TRAP1: variants seen among roughly 807,000 people sequenced by gnomAD.
TRAP1 encodes the protein heat shock protein 75 kDa, mitochondrial.
TRAP1 carries 102 observed loss-of-function variants against 89.1 expected under a neutral mutation model. The ratio of observed to expected loss-of-function variants is 1.15; its 90% CI spans 0.98 to 1.35. The LOEUF (loss-of-function observed/expected upper bound fraction) is 1.35, where lower values mean the gene tolerates loss of function less well. TRAP1 is among the 40% of genes most tolerant of loss of function. TRAP1 has a pLI of 0.00. For synonymous variants in TRAP1, 508 were observed against 388.0 expected (o/e 1.31, Z -3.64); for missense variants, 1,256 against 945.3 (o/e 1.33, Z -4.31).
In TRAP1 at chr16:3,663,542, C is replaced by G. The variant is rs780175390; in HGVS notation, c.1590G>C (p.Gln530His). The change falls in exon 14 of 18, where the codon CAG (glutamine) becomes CAC (histidine). Residue 530 changes from glutamine (Q) to histidine (H), a missense_variant. Gln to His is a conservative substitution (Grantham distance 24). Coordinates refer to ENST00000246957, the MANE Select transcript of TRAP1 (RefSeq NM_016292.3). ...GGTGCAGCAGGGTGAGCTCATCAAA[C>G]TGCTCAAAGCAGAAGAGAACCTGCA... is the stretch of plus-strand genomic sequence containing the variant. ...KDTEVLFCFE[Q>H]FDELTLLHLR... The G allele has an allele frequency of 6.8e-6, 11 of 1,613,972 alleles. No homozygotes were observed. Among genetic ancestry groups the G allele is most frequent in the African/African-American group, 2.7e-5 (2 of 74,944 alleles).
rs749439516 is a variant in TRAP1, at chr16:3,671,795, G to A, written c.1166-4C>T. The A allele has an allele frequency of 8.7e-6, 14 of 1,611,540 alleles. No individual in the cohort carries two copies. The highest frequency in any genetic ancestry group is 6.7e-5 in the Admixed American group (4 of 59,994). Reference sequence around the variant, plus strand: ...ATGTCCTCACTGTCCACCACACCTGGGAGACACGGCAGTCAGCTTCTCCCG... The same window carrying A: ...ATGTCCTCACTGTCCACCACACCTGAGAGACACGGCAGTCAGCTTCTCCCG... On this transcript the variant is annotated splice_region_variant and splice_polypyrimidine_tract_variant and intron_variant, in intron 10 of 17. Transcript: ENST00000246957.
intron 1 of TRAP1, among the ~76,000 whole-genome samples, chr16:3,698,620 C>A (rs2051323124): frequency 6.6e-6 from 1 of 151,024 alleles, no homozygotes; most frequent in Admixed American, 6.6e-5. Flanking sequence ...AACTTTTAAT[C>A]ACTAACTCAG....
chr16:3,686,477 G>C (rs960878903), intron 3 of TRAP1, among the ~76,000 whole-genome samples: 2 of 152,096 alleles, frequency 1.3e-5, no homozygotes, highest in Admixed American at 6.6e-5. Context: ...ACCACACCCA[G>C]CTAATTGTTT....
chr16:3,684,605 C>G (rs1258486116), intron 4 of TRAP1, among the ~76,000 whole-genome samples: 1 of 152,158 alleles, frequency 6.6e-6, no homozygotes, highest in Non-Finnish European at 1.5e-5. Context: ...GCCTGGCCAA[C>G]GTGGTGAAAC....
chr16:3,671,768 G>A lies in TRAP1; in HGVS notation c.1189C>T (p.Pro397Ser). Residue 397 changes from proline to serine, a missense_variant, in exon 11 of 18, where the codon CCC becomes TCC. By Grantham distance (74) the Pro-to-Ser change is moderately conservative. Coordinates refer to ENST00000246957, the MANE Select transcript of TRAP1 (RefSeq NM_016292.3). ...IRGVVDSEDI[P>S]LNLSRELLQE... ...AGCAGCTCCCGGCTGAGGTTCAGGG[G>A]AATGTCCTCACTGTCCACCACACCT... 6.2e-7 allele frequency: 1 copy of A among 1,613,134 alleles called. No individual in the cohort carries two copies. Among genetic ancestry groups the A allele is most frequent in the Non-Finnish European group, 8.5e-7 (1 of 1,180,000 alleles).
At chr16:3,703,901 G>A (rs1396775875) in intron 1 of TRAP1, among the ~76,000 whole-genome samples, 3 of 151,768 alleles carry the variant, frequency 2.0e-5, no homozygotes, top group Non-Finnish European at 4.4e-5. Context: ...TGTGGTCCCA[G>A]CTACTCGGGA....
chr16:3,705,210 G>A (rs1396701375), intron 1 of TRAP1, among the ~76,000 whole-genome samples: 11 of 151,554 alleles, frequency 7.3e-5, no homozygotes, highest in Middle Eastern at 3.4e-3. Context: ...GACTACAGGC[G>A]CCCGCCACCA....
chr16:3,675,452 A>C, intron 7 of TRAP1, 55 bp from the exon 8 acceptor site: 1 of 1,566,190 alleles, frequency 6.4e-7, no homozygotes, highest in Non-Finnish European at 8.8e-7. Context: ...TGGAAACGCA[A>C]GCTTTGCAGC....
At chr16:3,700,206 T>C (rs2051346744) in intron 1 of TRAP1, among the ~76,000 whole-genome samples, 1 of 151,742 alleles carries the variant, frequency 6.6e-6, no homozygotes, top group African/African-American at 2.4e-5. Context: ...TCCCTCTTGT[T>C]GCCCAGGCTG....
At chr16:3,675,234 C>T (rs916127551) in intron 8 of TRAP1, 90 bp downstream of exon 8, 1 of 1,311,920 alleles carries the variant, frequency 7.6e-7, no homozygotes, top group Non-Finnish European at 1.1e-6. Context: ...CTCTGGGCCG[C>T]ATCCCCTGGG....
chr16:3,673,939 T>G (rs2050951311), intron 9 of TRAP1, among the ~76,000 whole-genome samples: 1 of 152,040 alleles, frequency 6.6e-6, no homozygotes, highest in Non-Finnish European at 1.5e-5. Context: ...GCAGATGATG[T>G]AGGCTCTGAG....
At chr16:3,686,949 CAG>C (rs993607168) in intron 3 of TRAP1, 1 of 152,228 alleles carries the variant, frequency 6.6e-6, no homozygotes, top group South Asian at 2.1e-4. Context: ...CCAGCCCCGA[CAG>C]AGAGAGACTC....
At chr16:3,683,479 G>A (rs113075619) in intron 4 of TRAP1, among the ~76,000 whole-genome samples, 2,415 of 150,460 alleles carry the variant, frequency 0.016, 27 homozygotes, top group Middle Eastern at 0.031. Flanking sequence ...TCCGCCTCCC[G>A]GGTTCAAGCA....
intron 1 of TRAP1, among the ~76,000 whole-genome samples, chr16:3,712,844 G>C (rs530108778): frequency 4.6e-5 from 7 of 152,284 alleles, no homozygotes; most frequent in African/African-American, 1.7e-4. Flanking sequence ...TCAAATTCCT[G>C]AACTCAAGTG....
intron 1 of TRAP1, among the ~76,000 whole-genome samples, chr16:3,699,717 G>T (rs1042661076): frequency 6.6e-6 from 1 of 152,004 alleles, no homozygotes; most frequent in Admixed American, 6.6e-5. Flanking sequence ...ACCCAGGCTG[G>T]AGTGCAGTGG....
At chr16:3,682,470 C>T (rs1344563605) in intron 4 of TRAP1, among the ~76,000 whole-genome samples, 2 of 151,938 alleles carry the variant, frequency 1.3e-5, no homozygotes, top group Non-Finnish European at 2.9e-5. Context: ...GCTCACTGCA[C>T]CTTCCGCCTC....
At chr16:3,663,234 G>A (rs1193114873) in intron 14 of TRAP1, 190 bp downstream of exon 14, 2 of 755,108 alleles carry the variant, frequency 2.6e-6, no homozygotes, top group Admixed American at 2.9e-5. Flanking sequence ...AGGAGCACTG[G>A]ACAGACCCCT....
chr16:3,697,279 T>G (rs1268972468), intron 1 of TRAP1, among the ~76,000 whole-genome samples: 1 of 152,200 alleles, frequency 6.6e-6, no homozygotes, highest in Non-Finnish European at 1.5e-5. Context: ...CCTATTTCCT[T>G]TTTTGTTAAG....
At chr16:3,666,350 C>G (rs888289601) in intron 11 of TRAP1, among the ~76,000 whole-genome samples, 4 of 135,098 alleles carry the variant, frequency 3.0e-5, no homozygotes, top group African/African-American at 9.6e-5. Flanking sequence ...GTAGGAGAAC[C>G]GATGCCCCCA....
Sources: allele counts gnomAD v4.1 joint callset (sites outside exome capture counted in the v4.1 genomes callset), GRCh38; gene constraint gnomAD v4.1.1; transcripts MANE v1.5; gene names NCBI Gene and HGNC (gene_info 2026-07-23, HGNC 2026-07-21).